The following RERE variants were observed in gnomAD, a reference collection of about 807,000 sequenced individuals.
RERE encodes the protein arginine-glutamic acid dipeptide repeats protein.
A neutral mutation model predicts 146.1 loss-of-function variants in RERE; 40 were observed. The ratio of observed to expected loss-of-function variants is 0.27; its 90% CI spans 0.21 to 0.36. The LOEUF is 0.36. Ranked by LOEUF, RERE falls within the 10% of genes least tolerant of loss-of-function variation. The pLI is 1.00. For missense variants in RERE, 1,933 were observed against 2,138.7 expected, an observed-to-expected ratio of 0.90 and a Z score of 1.90; for synonymous variants, 1,003 against 866.0, an observed-to-expected ratio of 1.16 and a Z score of -2.78.
Position 8,465,958 on chromosome 1 carries a change from C to T in RERE, c.1170G>A (p.Lys390=). The change falls in exon 11 of 23, where the codon AAG becomes AAA. Residue 390 remains lysine (K), a synonymous_variant. Coordinates refer to ENST00000400908, the MANE Select transcript of RERE (RefSeq NM_001042681.2). The part of the protein sequence containing the change: ...LQRLVKKPVP[K]LIEKCWTEDE... ...CCTCGGTCCAGCACTTCTCGATGAG[C>T]TTGGGCACAGGCTTCTTCACCAGGC... 3 of 1,614,198 alleles carry T rather than the reference C, an allele frequency of 1.9e-6. No individual in the cohort carries two copies. Among genetic ancestry groups the T allele is most frequent in the African/African-American group, 2.7e-5 (2 of 75,066 alleles).
chr1:8,406,527 T>C (rs559697169), intron 12 of RERE, among the ~76,000 whole-genome samples: 2 of 152,270 alleles, frequency 1.3e-5, no homozygotes, highest in South Asian at 2.1e-4. Context: ...GAGGGTTAAA[T>C]AATGTGATAA....
intron 1 of RERE, among the ~76,000 whole-genome samples, chr1:8,695,954 C>T (rs558449111): frequency 1.3e-5 from 2 of 152,116 alleles, no homozygotes; most frequent in African/African-American, 4.8e-5. Flanking sequence ...AGAAGACATA[C>T]AAGTGGCCAA....
At chr1:8,811,612 A>T (rs1425291743) in intron 1 of RERE, among the ~76,000 whole-genome samples, 1 of 152,212 alleles carries the variant, frequency 6.6e-6, no homozygotes, top group Non-Finnish European at 1.5e-5. Flanking sequence ...TCTCTCAAAA[A>T]AGAATCAGAC....
At chr1:8,378,877 C>T (rs1279536049) in intron 12 of RERE, among the ~76,000 whole-genome samples, 20 of 152,194 alleles carry the variant, frequency 1.3e-4, no homozygotes, top group Non-Finnish European at 2.9e-5. Context: ...TGAGACGGGG[C>T]TCATGGAGCT....
intron 10 of RERE, among the ~76,000 whole-genome samples, chr1:8,476,891 TATAGA>T (rs552619976): frequency 1.0e-3 from 154 of 152,322 alleles, no homozygotes; most frequent in African/African-American, 3.6e-3. Context: ...GGCAAAATAT[TATAGA>T]ATATTCTTCT....
At chr1:8,388,120 GC>G (rs1642746551) in intron 12 of RERE, among the ~76,000 whole-genome samples, 1 of 152,164 alleles carries the variant, frequency 6.6e-6, no homozygotes, top group African/African-American at 2.4e-5. Context: ...ACAGCAAGGT[GC>G]AGGACATTTT....
chr1:8,537,963 A>G lies in RERE; in HGVS notation c.830+3251T>C, dbSNP rs868309400. On this transcript the variant is annotated intron_variant, in intron 7 of 22. Transcript: ENST00000400908. ...TTTCAGTGCTGTTCAATATGCTAAC[A>G]AAGTATGGAAAATTACATAAATCAA... Among the ~76,000 whole-genome samples the G allele has an allele frequency of 3.0e-4, 46 of 152,396 alleles. No homozygotes were observed. The South Asian group carries it at 3.7e-3, about 12-fold the overall frequency.
intron 12 of RERE, among the ~76,000 whole-genome samples, chr1:8,380,072 G>A (rs11583012): frequency 0.15 from 22,138 of 152,190 alleles, 1,993 homozygotes; most frequent in South Asian, 0.28. Flanking sequence ...CATGTGGCAG[G>A]AGGAGGTATG....
chr1:8,724,574 C>T (rs1002702023), intron 1 of RERE, among the ~76,000 whole-genome samples: 3 of 152,126 alleles, frequency 2.0e-5, no homozygotes, highest in African/African-American at 7.2e-5. Context: ...TGGCCGGGCG[C>T]GGTGGCTCAC....
chr1:8,389,074 GCTTATGAAATGACA>G (rs1335809917), intron 12 of RERE, among the ~76,000 whole-genome samples: 2 of 152,174 alleles, frequency 1.3e-5, no homozygotes, highest in African/African-American at 4.8e-5. Flanking sequence ...AAAGTACAGT[GCTTATGAAATGACA>G]CTTCTTAGAA....
chr1:8,793,290 G>T (rs575832343), intron 1 of RERE, among the ~76,000 whole-genome samples: 1 of 151,982 alleles, frequency 6.6e-6, no homozygotes, highest in African/African-American at 2.4e-5. Context: ...TGTATCAAAG[G>T]CCTAAATTTC....
At position 8,655,964 on chromosome 1, in the gene RERE, G is replaced by A. The variant is rs867395650; in HGVS notation, c.325+9C>T. 1 of 1,611,102 alleles carries A rather than the reference G, an allele frequency of 6.2e-7. No homozygotes were observed. Among genetic ancestry groups the A allele is most frequent in the South Asian group, 1.1e-5 (1 of 90,646 alleles). On this transcript the variant is annotated intron_variant, in intron 2 of 22. Transcript: ENST00000400908. ...AACATTGGCAAGACCCAAACGTAAG[G>A]CTCCTTACCTCCTGGTCTGTAGACC...
chr1:8,691,555 G>A (rs1167237850), intron 1 of RERE, among the ~76,000 whole-genome samples: 1 of 152,194 alleles, frequency 6.6e-6, no homozygotes, highest in African/African-American at 2.4e-5. Context: ...TTCTTAATGA[G>A]AGGGTTCATG....
intron 1 of RERE, among the ~76,000 whole-genome samples, chr1:8,713,868 T>C (rs1297408750): frequency 1.3e-5 from 2 of 152,216 alleles, no homozygotes; most frequent in African/African-American, 2.4e-5. Context: ...TTCTTTATAC[T>C]TAGCTTACAC....
chr1:8,461,531 G>A (rs557394935), intron 11 of RERE, among the ~76,000 whole-genome samples: 2 of 152,260 alleles, frequency 1.3e-5, no homozygotes, highest in East Asian at 3.9e-4. Context: ...AAATTAATTT[G>A]CAGTATCCGG....
At position 8,656,247 on chromosome 1, in the gene RERE, TCGGTCC is replaced by T; in HGVS notation, c.45_50del (p.Asp20_Arg21del). 1 of 1,613,314 alleles carries T rather than the reference TCGGTCC, an allele frequency of 6.2e-7. No homozygotes were observed. Among genetic ancestry groups the T allele is most frequent in the Non-Finnish European group, 8.5e-7 (1 of 1,179,342 alleles). On this transcript the variant is annotated inframe_deletion, in exon 2 of 23. Transcript: ENST00000400908. ...TTTTCTCTCTCTCTCGGTCCCGGTC[TCGGTCC>T]CGGTCCTTCTCTTTGTCTTTGTCTT...
intron 1 of RERE, among the ~76,000 whole-genome samples, chr1:8,702,830 C>T (rs976737386): frequency 1.3e-5 from 2 of 152,164 alleles, no homozygotes; most frequent in Non-Finnish European, 2.9e-5. Context: ...GAGTTTGGGG[C>T]TACTTAAAAA....
intron 1 of RERE, among the ~76,000 whole-genome samples, chr1:8,681,745 T>C (rs1570602411): frequency 6.6e-6 from 1 of 152,154 alleles, no homozygotes; most frequent in East Asian, 1.9e-4. Flanking sequence ...CTGAAATAGG[T>C]ACTAACGCAA....
At chr1:8,724,652 G>A (rs569970543) in intron 1 of RERE, among the ~76,000 whole-genome samples, 20 of 151,522 alleles carry the variant, frequency 1.3e-4, no homozygotes, top group African/African-American at 4.4e-4. Context: ...CAAGACCAGC[G>A]ACCCCGTCGC....
Sources: gnomAD v4.1 joint callset for allele counts (sites outside exome capture counted in the v4.1 genomes callset) on GRCh38, gnomAD v4.1.1 for gene constraint, MANE v1.5 for transcripts, NCBI Gene and HGNC (gene_info 2026-07-23, HGNC 2026-07-21) for gene names.